Variants in GABRA6 observed in about 807,000 individuals in gnomAD.
The protein encoded by GABRA6 is gamma-aminobutyric acid receptor subunit alpha-6.
GABRA6 carries 45 observed loss-of-function variants against 47.3 expected under a neutral mutation model. That is an observed-to-expected ratio of 0.95 (90% CI 0.75 to 1.22). GABRA6 has a LOEUF of 1.22. Among genes scored for constraint, GABRA6 ranks in the 50% most tolerant of loss-of-function variants. The probability of loss-of-function intolerance (pLI) is 0.00; values close to 1 mark genes in which losing one functional copy is unlikely to be tolerated. For missense variants in GABRA6, 583 were observed against 549.3 expected, an observed-to-expected ratio of 1.06 and a Z score of -0.61; for synonymous variants, 219 against 194.7, an observed-to-expected ratio of 1.12 and a Z score of -1.04.
Position 161,702,119 on chromosome 5 carries a change from A to G in GABRA6, c.*346A>G, listed in dbSNP as rs1391906319. 7.5e-6 allele frequency: 2 copies of G among 265,886 alleles called. No homozygotes were observed. Among genetic ancestry groups the G allele is most frequent in the East Asian group, 1.7e-4 (2 of 11,432 alleles). The allele number at this position is 265,886 out of a possible 1,614,324, so 16.5% of individuals were successfully genotyped here. A position where few individuals can be genotyped will look rare whatever the true frequency, so the allele number is the denominator to read the frequency against. On this transcript the variant is annotated 3_prime_UTR_variant, in exon 9 of 9. Coordinates refer to ENST00000274545, the MANE Select transcript of GABRA6 (RefSeq NM_000811.3). ...TTACCACAAGGCAGATAAAATAAGA[A>G]ATGCTGACACTTCCAAAGGTTGCCT... is the stretch of plus-strand genomic sequence containing the variant.
Position 161,701,928 on chromosome 5 carries a change from A to T in GABRA6, c.*155A>T. 1 of 749,782 alleles carries T rather than the reference A, an allele frequency of 1.3e-6. No homozygotes were observed. The highest frequency in any genetic ancestry group is 2.2e-6 in the Non-Finnish European group (1 of 453,714). The allele number at this position is 749,782 out of a possible 1,614,324, so 46.4% of individuals were successfully genotyped here. Reference sequence around the variant, plus strand: ...GCTTCCGTAAGCATGTGTGGGCAAAAAAGCAATAATCCTACTCCTCAAAAT... The same window carrying T: ...GCTTCCGTAAGCATGTGTGGGCAAATAAGCAATAATCCTACTCCTCAAAAT... On this transcript the variant is annotated 3_prime_UTR_variant, in exon 9 of 9. Transcript: ENST00000274545.
At chr5:161,686,093 T>C (rs774275315) in intron 1 of GABRA6, 66 bp downstream of exon 1, 10 of 1,487,250 alleles carry the variant, frequency 6.7e-6, no homozygotes, top group Non-Finnish European at 9.4e-6. Flanking sequence ...ATACATCCAT[T>C]GGGTGACTCC....
rs943997003 is a variant in GABRA6, at chr5:161,686,248, G to T, written c.57G>T (p.Gly19=). The T allele has an allele frequency of 3.1e-6, 5 of 1,613,660 alleles. No individual in the cohort carries two copies. Among genetic ancestry groups the T allele is most frequent in the Non-Finnish European group, 4.2e-6 (5 of 1,179,686 alleles). ...CACACAGGCTAGAAAATGCCCTAGGGAAACTCGAAGTTGAAGGCAACTTCT... is the reference window on the plus strand; with the variant it reads ...CACACAGGCTAGAAAATGCCCTAGGTAAACTCGAAGTTGAAGGCAACTTCT... ...CIILWLENAL[G]KLEVEGNFYS... is the part of the protein sequence containing the mutation. The change falls in exon 2 of 9, where the codon GGG becomes GGT. Residue 19 remains glycine, a synonymous_variant. Transcript: ENST00000274545.
intron 6 of GABRA6, 139 bp downstream of exon 6, chr5:161,689,918 A>C: frequency 2.1e-6 from 2 of 938,214 alleles, no homozygotes; most frequent in Non-Finnish European, 3.3e-6. Flanking sequence ...AGCTTTCCTT[A>C]AAACTGATTT....
At chr5:161,700,344 G>A (rs1163428067) in intron 8 of GABRA6, among the ~76,000 whole-genome samples, 8 of 152,164 alleles carry the variant, frequency 5.3e-5, no homozygotes, top group Admixed American at 6.5e-5. Context: ...CAATATCAGG[G>A]GTAATGCACA....
At chr5:161,697,413 G>T (rs1423170692) in intron 8 of GABRA6, among the ~76,000 whole-genome samples, 1 of 152,208 alleles carries the variant, frequency 6.6e-6, no homozygotes, top group Non-Finnish European at 1.5e-5. Context: ...TCAATTGCCA[G>T]TTATTTAGCA....
Position 161,692,147 on chromosome 5 carries a change from C to A in GABRA6, c.1033C>A (p.Pro345Thr). The change falls in exon 8 of 9, where the codon CCC becomes ACC. Residue 345 changes from proline to threonine, a missense_variant. Transcript: ENST00000274545. Reference protein sequence around the residue: ...AKRKAQFAAPPTVTISKATEP... With the variant: ...AKRKAQFAAPTTVTISKATEP... ...AAGGAAGGCACAGTTTGCAGCCCCA[C>A]CCACAGTGACAATATCAAAAGCTAC... is the stretch of plus-strand genomic sequence containing the variant. The A allele has an allele frequency of 1.2e-6, 2 of 1,614,170 alleles. No individual in the cohort carries two copies. Among genetic ancestry groups the A allele is most frequent in the Non-Finnish European group, 1.7e-6 (2 of 1,180,024 alleles).
chr5:161,701,761 C>A lies in GABRA6; in HGVS notation c.1350C>A (p.Ser450Arg). The A allele has an allele frequency of 1.2e-6, 2 of 1,614,028 alleles. No homozygotes were observed. The highest frequency in any genetic ancestry group is 1.7e-6 in the Non-Finnish European group (2 of 1,179,920). Reference sequence around the variant, plus strand: ...CCAAAGATACAATGGAAGTCAGTAGCAGTGTTGAATAGCTTGCGGCCAGGA... The same window carrying A: ...CCAAAGATACAATGGAAGTCAGTAGAAGTGTTGAATAGCTTGCGGCCAGGA... ...YLSKDTMEVS[S>R]SVE is the part of the protein sequence containing the mutation. Residue 450 changes from serine to arginine, a missense_variant, in exon 9 of 9, where the codon AGC becomes AGA. Coordinates refer to ENST00000274545, the MANE Select transcript of GABRA6 (RefSeq NM_000811.3).
rs1283281706 is a variant in GABRA6, at chr5:161,690,259, G to C, written c.732G>C (p.Met244Ile). 5.0e-6 allele frequency: 8 copies of C among 1,613,418 alleles called. No homozygotes were observed. The highest frequency in any genetic ancestry group is 1.7e-5 in the Admixed American group (1 of 59,988). ...TGCAAAGGAAGATGGGCTACTTCAT[G>C]ATACAGATATACACTCCTTGCATTA... ...FHLQRKMGYF[M>I]IQIYTPCIMT... The change falls in exon 7 of 9, where the codon ATG becomes ATC. Residue 244 changes from methionine to isoleucine, a missense_variant. Physicochemically the swap from Met to Ile is conservative, Grantham distance 10 (BLOSUM62 1). Transcript: ENST00000274545.
intron 8 of GABRA6, among the ~76,000 whole-genome samples, chr5:161,693,977 A>G (rs1242478450): frequency 6.6e-6 from 1 of 152,192 alleles, no homozygotes; most frequent in Non-Finnish European, 1.5e-5. Flanking sequence ...TTGAGTCCCA[A>G]AATTCTTCCT....
chr5:161,689,856 T>C (rs958805244), intron 6 of GABRA6, 77 bp downstream of exon 6: 3 of 1,440,308 alleles, frequency 2.1e-6, no homozygotes, highest in Non-Finnish European at 2.9e-6. Context: ...CTATTTCTTT[T>C]TCCTTCGCCT....
chr5:161,685,741 C>T lies in GABRA6; in HGVS notation c.-249C>T, dbSNP rs1270591830. 1.7e-6 allele frequency: 1 copy of T among 578,428 alleles called. No homozygotes were observed. The highest frequency in any genetic ancestry group is 3.0e-5 in the Admixed American group (1 of 33,488). 35.8% of individuals were successfully genotyped at this position (578,428 alleles called of 1,614,324 possible). On this transcript the variant is annotated 5_prime_UTR_variant, in exon 1 of 9. Coordinates refer to ENST00000274545, the MANE Select transcript of GABRA6 (RefSeq NM_000811.3). ...GAGTCAGTCAGAGGAGCCTGGGTGT[C>T]TGCAGGACATAATCTAAGACCACAA...
At chr5:161,695,026 C>A (rs554457624) in intron 8 of GABRA6, among the ~76,000 whole-genome samples, 1 of 152,078 alleles carries the variant, frequency 6.6e-6, no homozygotes, top group Non-Finnish European at 1.5e-5. Flanking sequence ...GTAATCAAAA[C>A]AACATTATTT....
At chr5:161,692,896 T>G (rs73307566) in intron 8 of GABRA6, among the ~76,000 whole-genome samples, 4,891 of 152,276 alleles carry the variant, frequency 0.032, 246 homozygotes, top group African/African-American at 0.1. Flanking sequence ...TCAAGGGCCA[T>G]TAATATGCCC....
At position 161,685,899 on chromosome 5, in the gene GABRA6, A is replaced by T. The variant is rs1754681947; in HGVS notation, c.-91A>T. ...AAGGAACAGAGATATGAAGGGTTTG[A>T]AAGATTTCTCCAGTTGATTGGCAGA... On this transcript the variant is annotated 5_prime_UTR_variant, in exon 1 of 9. The change creates a premature stop within an existing upstream ORF in the 5' untranslated region. Transcript: ENST00000274545. The T allele has an allele frequency of 7.7e-6, 8 of 1,040,560 alleles. No homozygotes were observed. Among genetic ancestry groups the T allele is most frequent in the Admixed American group, 3.4e-5 (2 of 59,084 alleles). The allele number at this position is 1,040,560 out of a possible 1,614,324, so 64.5% of individuals were successfully genotyped here. A position where few individuals can be genotyped will look rare whatever the true frequency, so the allele number is the denominator to read the frequency against.
At chr5:161,693,475 A>G (rs1047332011) in intron 8 of GABRA6, among the ~76,000 whole-genome samples, 10 of 152,140 alleles carry the variant, frequency 6.6e-5, no homozygotes, top group African/African-American at 2.4e-4. Flanking sequence ...GAGAGGGAAA[A>G]TATTAGTTTC....
chr5:161,699,093 T>A (rs1474136829), intron 8 of GABRA6, among the ~76,000 whole-genome samples: 1 of 152,166 alleles, frequency 6.6e-6, no homozygotes, highest in African/African-American at 2.4e-5. Context: ...TTTACATTTT[T>A]ATGGTATTTA....
Position 161,701,530 on chromosome 5 carries a change from G to T in GABRA6, c.1119G>T (p.Arg373Ser). The T allele has an allele frequency of 6.2e-7, 1 of 1,614,088 alleles. No individual in the cohort carries two copies. ...ACTCCAAATATCATCTGAAGAAAAG[G>T]ATCACTTCTCTGTCTTTGCCAATAG... ...HPDSKYHLKK[R>S]ITSLSLPIVS... Residue 373 changes from arginine to serine, a missense_variant, in exon 9 of 9, where the codon AGG becomes AGT. Transcript: ENST00000274545.
intron 6 of GABRA6, chr5:161,689,987 A>G: frequency 1.5e-6 from 1 of 669,358 alleles, no homozygotes; most frequent in Non-Finnish European, 2.5e-6. Flanking sequence ...TTTTTTATGT[A>G]TATGATATAA....
Sources: allele counts gnomAD v4.1 joint callset (sites outside exome capture counted in the v4.1 genomes callset), GRCh38; gene constraint gnomAD v4.1.1; transcripts MANE v1.5; gene names NCBI Gene and HGNC (gene_info 2026-07-23, HGNC 2026-07-21).